The following NXN variants were observed in gnomAD, a reference collection of about 807,000 sequenced individuals.
The protein encoded by NXN is nucleoredoxin, also known as nucleoredoxin 1.
Under a neutral mutation model 48.6 loss-of-function variants are expected in NXN, and 16 were observed. The observed-to-expected ratio is 0.33, with a 90% confidence interval of 0.22 to 0.50. The LOEUF is 0.50. NXN is among the 20% of genes least tolerant of loss of function. The pLI is 0.98. For missense variants in NXN, 492 were observed against 605.5 expected (o/e 0.81, Z 1.97); for synonymous variants, 281 against 269.6 (o/e 1.04, Z -0.41).
At chr17:863,487 G>A (rs1359798601) in intron 1 of NXN, among the ~76,000 whole-genome samples, 4 of 151,762 alleles carry the variant, frequency 2.6e-5, no homozygotes, top group Non-Finnish European at 5.9e-5. Flanking sequence ...TTGAGACAGG[G>A]TCTCGCTCTG....
chr17:841,929 G>C (rs573352845), intron 1 of NXN, among the ~76,000 whole-genome samples: 122 of 152,274 alleles, frequency 8.0e-4, no homozygotes, highest in Non-Finnish European at 1.0e-3. Context: ...CTGAGCTCAG[G>C]AGTTGGAGGC....
chr17:973,159 C>T (rs1013160757), intron 1 of NXN, among the ~76,000 whole-genome samples: 1 of 152,194 alleles, frequency 6.6e-6, no homozygotes, highest in Non-Finnish European at 1.5e-5. Context: ...GACGGCTACT[C>T]AGAGGCAGGC....
chr17:863,178 TTTG>T (rs769281950), intron 1 of NXN, among the ~76,000 whole-genome samples: 3 of 151,406 alleles, frequency 2.0e-5, no homozygotes, highest in African/African-American at 2.4e-5. Flanking sequence ...TTCTGTCTTC[TTTG>T]TTTTTTTGAG....
intron 1 of NXN, among the ~76,000 whole-genome samples, chr17:957,220 C>T (rs935701486): frequency 8.6e-5 from 13 of 152,022 alleles, no homozygotes; most frequent in Non-Finnish European, 1.8e-4. Context: ...ATCCCTGTCA[C>T]CACCCCCCTC....
chr17:841,688 GGC>G, intron 1 of NXN, among the ~76,000 whole-genome samples: 1 of 113,562 alleles, frequency 8.8e-6, no homozygotes, highest in African/African-American at 4.2e-5. Flanking sequence ...CCCTGACCAT[GGC>G]ACATCTCACG....
intron 1 of NXN, among the ~76,000 whole-genome samples, chr17:928,048 A>G (rs2068819096): frequency 6.6e-6 from 1 of 152,044 alleles, no homozygotes; most frequent in Non-Finnish European, 1.5e-5. Context: ...ACTCTGGCCA[A>G]GAATCTGGAG....
In NXN at chr17:849,242, G is replaced by C. The variant is rs908616333; in HGVS notation, c.361-23164C>G. Among the ~76,000 whole-genome samples the C allele has an allele frequency of 6.6e-6, 1 of 152,118 alleles. No individual in the cohort carries two copies. Among genetic ancestry groups the C allele is most frequent in the East Asian group, 1.9e-4 (1 of 5,186 alleles). Reference sequence around the variant, plus strand: ...TACAAAGACGGATTCACTAAGACCAGAGCTTCCCAGCTGGGCGCAGTGGCT... The same window carrying C: ...TACAAAGACGGATTCACTAAGACCACAGCTTCCCAGCTGGGCGCAGTGGCT... On this transcript the variant is annotated intron_variant, in intron 1 of 7. Transcript: ENST00000336868. The surrounding 1 kb of genome is among the most constrained non-coding windows in gnomAD (Gnocchi z 4.2).
intron 1 of NXN, among the ~76,000 whole-genome samples, chr17:938,913 G>C (rs1188007713): frequency 6.6e-6 from 1 of 151,858 alleles, no homozygotes; most frequent in South Asian, 2.1e-4. Flanking sequence ...TTAGCTGGGT[G>C]TGGTGGCGGG....
chr17:843,561 T>C (rs2067824877), intron 1 of NXN, among the ~76,000 whole-genome samples: 1 of 152,210 alleles, frequency 6.6e-6, no homozygotes, highest in Non-Finnish European at 1.5e-5. Flanking sequence ...TAGGGCCATA[T>C]GTGCTCAGGA....
chr17:883,364 A>G (rs1402450967), intron 1 of NXN, among the ~76,000 whole-genome samples: 10 of 143,552 alleles, frequency 7.0e-5, no homozygotes. Flanking sequence ...CCCCCCGCCC[A>G]GAACTCCCAG....
intron 1 of NXN, among the ~76,000 whole-genome samples, chr17:887,348 A>T (rs1356820133): frequency 6.6e-6 from 1 of 152,182 alleles, no homozygotes; most frequent in Non-Finnish European, 1.5e-5. Flanking sequence ...TACAGTCACA[A>T]GGCAGCGTCC....
chr17:919,596 G>A lies in NXN; in HGVS notation c.360+59723C>T, dbSNP rs960245624. The stretch of plus-strand genomic sequence containing the variant: ...TCGTATCGTGGGTTACAGAACCTAC[G>A]TCGTCCTCGGAATCCCCGCATTCGT... On this transcript the variant is annotated intron_variant, in intron 1 of 7. Coordinates refer to ENST00000336868, the MANE Select transcript of NXN (RefSeq NM_022463.5). This position sits in a 1 kb window ranked among gnomAD's most constrained non-coding sequence, Gnocchi z 5.1. 6.6e-6 allele frequency among the ~76,000 whole-genome samples: 1 copy of A among 152,058 alleles called. No individual in the cohort carries two copies. The highest frequency in any genetic ancestry group is 1.5e-5 in the Non-Finnish European group (1 of 68,020).
Position 832,735 on chromosome 17 carries a change from C to T in NXN, c.361-6657G>A, listed in dbSNP as rs1417745051. Among the ~76,000 whole-genome samples the T allele has an allele frequency of 2.0e-5, 3 of 152,080 alleles. No homozygotes were observed. The East Asian group carries it at 5.8e-4, about 29-fold the overall frequency. On this transcript the variant is annotated intron_variant, in intron 1 of 7. Transcript: ENST00000336868. ...AGAAACTGTAACCTGCATCTTCCCT[C>T]CCTCCCTAAAGATTCCCCGTTCCTT...
At chr17:817,006 G>C (rs550017878) in intron 5 of NXN, among the ~76,000 whole-genome samples, 7 of 152,242 alleles carry the variant, frequency 4.6e-5, no homozygotes, top group African/African-American at 1.7e-4. Flanking sequence ...TGGTCCACTA[G>C]GCAACATCAT....
intron 1 of NXN, chr17:842,694 T>C (rs975371530): frequency 5.5e-6 from 2 of 362,216 alleles, no homozygotes; most frequent in Admixed American, 6.5e-5. Flanking sequence ...TCCCAGCACT[T>C]TGGGAGGCTG....
At chr17:887,817 A>G (rs1442771488) in intron 1 of NXN, among the ~76,000 whole-genome samples, 2 of 152,070 alleles carry the variant, frequency 1.3e-5, no homozygotes, top group African/African-American at 4.8e-5. Context: ...GCAGAATTCC[A>G]TTTGACCCAA....
At position 827,074 on chromosome 17, in the gene NXN, G is replaced by A. The variant is rs191876772; in HGVS notation, c.361-996C>T. On this transcript the variant is annotated intron_variant, in intron 1 of 7. Transcript: ENST00000336868. ...AGCCACATAATTAAATGCAATGTCG[G>A]GGCCGGGCACGGTGGCTCACACCTG... Among the ~76,000 whole-genome samples, 4 of 152,334 alleles carry A rather than the reference G, an allele frequency of 2.6e-5. No homozygotes were observed. In the East Asian group the frequency reaches 5.8e-4, roughly 22 times the overall value.
intron 1 of NXN, among the ~76,000 whole-genome samples, chr17:934,289 CAAA>C (rs1419188209): frequency 6.6e-5 from 10 of 151,492 alleles, no homozygotes; most frequent in African/African-American, 2.2e-4. Context: ...ACTAAAAATA[CAAA>C]AAAATTAGCC....
chr17:947,732 CAAAAAA>C (rs1159185042), intron 1 of NXN, among the ~76,000 whole-genome samples: 14 of 36,670 alleles, frequency 3.8e-4, no homozygotes, highest in African/African-American at 8.8e-4. Flanking sequence ...GGCTCCCTCT[CAAAAAA>C]AAAAAAAAAA....
Sources: gnomAD v4.1 joint callset for allele counts (sites outside exome capture counted in the v4.1 genomes callset) on GRCh38, gnomAD v4.1.1 for gene constraint, Gnocchi (gnomAD v3.1) non-coding constraint, MANE v1.5 for transcripts, NCBI Gene and HGNC (gene_info 2026-07-23, HGNC 2026-07-21) for gene names.